The following CYP2J2 variants were observed in gnomAD, a reference collection of about 807,000 sequenced individuals.
CYP2J2 encodes cytochrome P450 family 2 subfamily J member 2, also known as cytochrome P450 2J2.
CYP2J2 carries 41 observed loss-of-function variants against 48.8 expected under a neutral mutation model. The ratio of observed to expected loss-of-function variants is 0.84; its 90% CI spans 0.66 to 1.09. The LOEUF is 1.09. CYP2J2 is among the 50% of genes least tolerant of loss of function. The pLI, the probability that CYP2J2 is intolerant of heterozygous loss-of-function variation, is 0.00. For missense variants in CYP2J2, 644 were observed against 617.3 expected, an observed-to-expected ratio of 1.04 and a Z score of -0.46; for synonymous variants, 221 against 227.1, an observed-to-expected ratio of 0.97 and a Z score of 0.24.
At chr1:59,894,228 A>T (rs1374821623) in intron 8 of CYP2J2, among the ~76,000 whole-genome samples, 1 of 152,244 alleles carries the variant, frequency 6.6e-6, no homozygotes, top group East Asian at 1.9e-4. Context: ...ATCCTTAAAA[A>T]AATTGTTGAA....
chr1:59,909,878 A>T lies in CYP2J2; in HGVS notation c.767T>A (p.Leu256Ter). 1 of 1,612,476 alleles carries T rather than the reference A, an allele frequency of 6.2e-7. No homozygotes were observed. Residue 256 changes from leucine to a stop codon, truncating the protein, a stop_gained, in exon 5 of 9, where the codon TTG (leucine) becomes TAG (stop). Coordinates refer to ENST00000371204, the MANE Select transcript of CYP2J2 (RefSeq NM_000775.4). LOFTEE classifies it high-confidence loss of function. ...TLFSNWKKLK[L>*]FVSHMIDKHR... ...TTTGTCAATCATATGAGAAACAAAC[A>T]ATTTCAGTTTTTTCCAGTTGCTGAA...
chr1:59,962,000 A>AT, the CYP2J2 span, among the ~76,000 whole-genome samples: 516 of 147,590 alleles, frequency 3.5e-3, 1 homozygote, highest in Middle Eastern at 0.021. Flanking sequence ...GTGATAAGGG[A>AT]TTTTTTTTTT....
At chr1:59,965,762 A>G in the CYP2J2 span, among the ~76,000 whole-genome samples, 2 of 151,954 alleles carry the variant, frequency 1.3e-5, no homozygotes, top group African/African-American at 2.4e-5. Context: ...AGCTATTCTC[A>G]TGTCTCAGGC....
chr1:59,947,875 T>C, the CYP2J2 span, among the ~76,000 whole-genome samples: 1 of 151,796 alleles, frequency 6.6e-6, no homozygotes, highest in East Asian at 1.9e-4. Flanking sequence ...CCCTTTCTAC[T>C]GGAAGAAGTA....
chr1:59,953,570 T>G, the CYP2J2 span, among the ~76,000 whole-genome samples: 1 of 151,948 alleles, frequency 6.6e-6, no homozygotes, highest in African/African-American at 2.4e-5. Context: ...TCCTGCATGC[T>G]TTTAAGTTAG....
chr1:59,932,310 C>T, the CYP2J2 span, among the ~76,000 whole-genome samples: 1 of 152,022 alleles, frequency 6.6e-6, no homozygotes, highest in African/African-American at 2.4e-5. Context: ...ATAATACATG[C>T]TATAAGCATT....
chr1:59,951,153 C>T, the CYP2J2 span, among the ~76,000 whole-genome samples: 1 of 152,220 alleles, frequency 6.6e-6, no homozygotes, highest in South Asian at 2.1e-4. Flanking sequence ...GGTTAAGTTA[C>T]TTGCCCAAGG....
chr1:59,948,901 C>A, the CYP2J2 span, among the ~76,000 whole-genome samples: 1 of 152,116 alleles, frequency 6.6e-6, no homozygotes, highest in Non-Finnish European at 1.5e-5. Context: ...TGAAGTGACT[C>A]ACACCTGTAG....
rs202053203 is a variant in CYP2J2 at position 59,915,961 on chromosome 1, C to T, written c.350G>A (p.Arg117Gln). 1.0e-4 allele frequency: 164 copies of T among 1,613,452 alleles called. No homozygotes were observed. The highest frequency in any genetic ancestry group is 1.6e-4 in the Middle Eastern group (1 of 6,070). ...ACCATTTTTCTTAAAGATATGTTCT[C>T]GCATAGGGGTCACGGGGCGGTTCCC... ...NFGNRPVTPM[R>Q]EHIFKKNGLI... Residue 117 changes from arginine (R) to glutamine (Q), a missense_variant, in exon 2 of 9, where the codon CGA (arginine) becomes CAA (glutamine). By Grantham distance (43) the Arg-to-Gln change is conservative (BLOSUM62 1). Coordinates refer to ENST00000371204, the MANE Select transcript of CYP2J2 (RefSeq NM_000775.4).
chr1:59,965,916 T>A, the CYP2J2 span, among the ~76,000 whole-genome samples: 2 of 152,112 alleles, frequency 1.3e-5, no homozygotes. Context: ...CCTCCCAAAG[T>A]GCTGGGATTA....
chr1:59,894,714 T>C (rs1363272963), intron 8 of CYP2J2, among the ~76,000 whole-genome samples: 1 of 152,212 alleles, frequency 6.6e-6, no homozygotes, highest in African/African-American at 2.4e-5. Context: ...CTAAATAATT[T>C]AATAATTTAT....
the CYP2J2 span, among the ~76,000 whole-genome samples, chr1:59,944,203 A>T: frequency 6.6e-6 from 1 of 152,150 alleles, no homozygotes; most frequent in Admixed American, 6.5e-5. Context: ...ACAATGCTTC[A>T]GAGAAGGTGT....
intron 8 of CYP2J2, among the ~76,000 whole-genome samples, chr1:59,895,398 G>A (rs1644259967): frequency 6.6e-6 from 1 of 152,176 alleles, no homozygotes; most frequent in African/African-American, 2.4e-5. Flanking sequence ...TTTTGGGTAG[G>A]AATATCACCA....
chr1:59,907,875 G>A lies in CYP2J2; in HGVS notation c.914C>T (p.Thr305Ile). Residue 305 changes from threonine to isoleucine, a missense_variant, in exon 6 of 9, where the codon ACC becomes ATC. Thr to Ile is a moderately conservative substitution (Grantham distance 89). Coordinates refer to ENST00000371204, the MANE Select transcript of CYP2J2 (RefSeq NM_000775.4). The stretch of plus-strand genomic sequence containing the variant: ...GGTTCCGGCAAAGAAGAGGTCCAGG[G>A]TGCTGCAGATGAGGTTTTCTTCATG... ...SFHEENLICSTLDLFFAGTET... is the reference protein window; with the variant it reads ...SFHEENLICSILDLFFAGTET... 2.5e-6 allele frequency: 4 copies of A among 1,614,036 alleles called. No homozygotes were observed. Among genetic ancestry groups the A allele is most frequent in the Non-Finnish European group, 3.4e-6 (4 of 1,179,926 alleles).
At chr1:59,898,015 A>G (rs1482696816) in intron 8 of CYP2J2, among the ~76,000 whole-genome samples, 1 of 152,206 alleles carries the variant, frequency 6.6e-6, no homozygotes, top group East Asian at 1.9e-4. Flanking sequence ...TCCTCATCCT[A>G]TCACATCTGC....
At chr1:59,955,420 TATC>T in the CYP2J2 span, among the ~76,000 whole-genome samples, 12 of 151,956 alleles carry the variant, frequency 7.9e-5, no homozygotes, top group African/African-American at 2.7e-4. Context: ...CATTTAATAA[TATC>T]ATCATAATGA....
the CYP2J2 span, among the ~76,000 whole-genome samples, chr1:59,953,828 G>C: frequency 1.3e-5 from 2 of 152,170 alleles, no homozygotes; most frequent in East Asian, 3.9e-4. Flanking sequence ...TGAGCCTGTG[G>C]TAGTAGTAAG....
At chr1:59,912,086 C>T (rs1644421624) in intron 3 of CYP2J2, 76 bp downstream of exon 3, 4 of 1,452,622 alleles carry the variant, frequency 2.8e-6, no homozygotes, top group Non-Finnish European at 3.7e-6. Flanking sequence ...AGAACAAGCA[C>T]TTACTCACTT....
chr1:59,893,500 G>A lies in CYP2J2; in HGVS notation c.*151C>T, dbSNP rs1644241293. The A allele has an allele frequency of 3.6e-6, 2 of 550,040 alleles. No individual in the cohort carries two copies. Among genetic ancestry groups the A allele is most frequent in the Non-Finnish European group, 6.2e-6 (2 of 321,244 alleles). 34.1% of individuals were successfully genotyped at this position (550,040 alleles called of 1,614,324 possible). A position where few individuals can be genotyped will look rare whatever the true frequency, so the allele number is the denominator to read the frequency against. ...AATTCGGACGAGACAGTAGAGCTGGGATTTGGATCTAGTTTTCTCTGAGTC... is the reference window on the plus strand; with the variant it reads ...AATTCGGACGAGACAGTAGAGCTGGAATTTGGATCTAGTTTTCTCTGAGTC... On this transcript the variant is annotated 3_prime_UTR_variant, in exon 9 of 9. Transcript: ENST00000371204.
Sources: allele counts gnomAD v4.1 joint callset (sites outside exome capture counted in the v4.1 genomes callset), GRCh38; gene constraint gnomAD v4.1.1; transcripts MANE v1.5; gene names NCBI Gene and HGNC (gene_info 2026-07-23, HGNC 2026-07-21).